The following XKR6 variants were observed in gnomAD, a reference collection of about 807,000 sequenced individuals.
XKR6 encodes XK related 6.
In XKR6, 22 loss-of-function variants were observed where a neutral mutation model predicts 56.7. The ratio of observed to expected loss-of-function variants is 0.39; its 90% CI spans 0.28 to 0.55. The LOEUF (loss-of-function observed/expected upper bound fraction) is 0.55, where lower values mean the gene tolerates loss of function less well. Ranked by LOEUF, XKR6 falls within the 20% of genes least tolerant of loss-of-function variation. The probability of loss-of-function intolerance (pLI) is 0.66; values close to 1 mark genes in which losing one functional copy is unlikely to be tolerated. For missense variants in XKR6, 852 were observed against 889.0 expected (o/e 0.96, Z 0.53); for synonymous variants, 524 against 387.8 (o/e 1.35, Z -4.13).
At position 11,058,615 on chromosome 8, in the gene XKR6, C is replaced by T. The variant is rs373580877; in HGVS notation, c.765-133785G>A. Among the ~76,000 whole-genome samples the T allele has an allele frequency of 2.5e-4, 38 of 152,298 alleles. 1 individual carries two copies. In the East Asian group the frequency reaches 7.3e-3, roughly 29 times the overall value. On this transcript the variant is annotated intron_variant, in intron 1 of 2. Transcript: ENST00000416569. ...GAAAACCAAACACCACATGTTCTCA[C>T]TCATAAGTGGGAGCTGAACAATGAG...
intron 1 of XKR6, among the ~76,000 whole-genome samples, chr8:11,014,612 G>A (rs986682830): frequency 7.9e-5 from 12 of 152,306 alleles, no homozygotes; most frequent in African/African-American, 2.9e-4. Context: ...TTCCCTGGGG[G>A]AAAGGAAAGG....
At chr8:11,197,880 C>T (rs1374455360) in intron 1 of XKR6, among the ~76,000 whole-genome samples, 1 of 152,084 alleles carries the variant, frequency 6.6e-6, no homozygotes, top group African/African-American at 2.4e-5. Flanking sequence ...TGTGCTCTGT[C>T]CAAGCTATAA....
At chr8:11,095,824 G>C (rs908247654) in intron 1 of XKR6, among the ~76,000 whole-genome samples, 3 of 152,186 alleles carry the variant, frequency 2.0e-5, no homozygotes, top group Non-Finnish European at 4.4e-5. Flanking sequence ...ATCTGGTTAA[G>C]ACTAGACCAC....
At chr8:11,002,051 G>T (rs1419279182) in intron 1 of XKR6, among the ~76,000 whole-genome samples, 1 of 145,428 alleles carries the variant, frequency 6.9e-6, no homozygotes, top group Non-Finnish European at 1.5e-5. Flanking sequence ...AATCCATGTC[G>T]TTACCATGTG....
At chr8:10,980,851 C>T (rs1797717937) in intron 1 of XKR6, among the ~76,000 whole-genome samples, 1 of 152,130 alleles carries the variant, frequency 6.6e-6, no homozygotes, top group Middle Eastern at 3.2e-3. Flanking sequence ...TGATCTCTGT[C>T]TGTCTGTCTA....
In XKR6 at chr8:11,013,577, A is replaced by G. The variant is rs546415508; in HGVS notation, c.765-88747T>C. 1.7e-4 allele frequency among the ~76,000 whole-genome samples: 26 copies of G among 152,324 alleles called. 1 individual carries two copies. The highest frequency in any genetic ancestry group is 3.6e-4 in the African/African-American group (15 of 41,580). Reference sequence around the variant, plus strand: ...CCACAAATTCATTGAGACACATAATATAATACGCCCCCTTTTTAAAAATTG... The same window carrying G: ...CCACAAATTCATTGAGACACATAATGTAATACGCCCCCTTTTTAAAAATTG... On this transcript the variant is annotated intron_variant, in intron 1 of 2. Coordinates refer to ENST00000416569, the MANE Select transcript of XKR6 (RefSeq NM_173683.4).
intron 1 of XKR6, among the ~76,000 whole-genome samples, chr8:11,055,985 C>A (rs987980341): frequency 1.3e-5 from 2 of 152,314 alleles, no homozygotes; most frequent in Middle Eastern, 3.4e-3. Context: ...GGCCCCCTCC[C>A]CCTGCTTCCG....
At chr8:10,901,122 C>A (rs1261762709) in intron 2 of XKR6, among the ~76,000 whole-genome samples, 1 of 147,412 alleles carries the variant, frequency 6.8e-6, no homozygotes, top group African/African-American at 2.5e-5. Context: ...GTGGCATGAT[C>A]TCCACTCATT....
chr8:10,903,289 A>T (rs1800094494), intron 2 of XKR6, among the ~76,000 whole-genome samples: 1 of 152,136 alleles, frequency 6.6e-6, no homozygotes, highest in Non-Finnish European at 1.5e-5. Flanking sequence ...ATTCTTCCTC[A>T]GAGGGCCATC....
intron 1 of XKR6, among the ~76,000 whole-genome samples, chr8:11,151,677 T>A (rs1586621052): frequency 6.6e-6 from 1 of 151,952 alleles, no homozygotes; most frequent in Non-Finnish European, 1.5e-5. Flanking sequence ...CACGATCCAT[T>A]TGTCAGTCTT....
intron 2 of XKR6, among the ~76,000 whole-genome samples, chr8:10,912,466 T>A (rs12677752): frequency 1.0e-5 from 1 of 98,288 alleles, no homozygotes; most frequent in African/African-American, 4.0e-5. Context: ...TATATATATA[T>A]AGAGAGAGAG....
intron 1 of XKR6, among the ~76,000 whole-genome samples, chr8:11,090,833 T>C (rs562186559): frequency 2.6e-4 from 40 of 152,346 alleles, no homozygotes; most frequent in African/African-American, 9.1e-4. Context: ...CTGGGGCTTA[T>C]CTTTTAAGAT....
intron 1 of XKR6, among the ~76,000 whole-genome samples, chr8:10,945,878 C>T (rs1027935559): frequency 3.3e-5 from 5 of 152,120 alleles, no homozygotes; most frequent in African/African-American, 1.2e-4. Flanking sequence ...CAGCTCTGCT[C>T]CTCCCTTCCC....
rs1358592158 is a variant in XKR6 at position 11,194,721 on chromosome 8, GCA to G, written c.764+5853_764+5854del. ...CATTACAGAATCTATCCACTGCACTGCATAAGCCTGACTAGGCAATTGACCTT... is the reference window on the plus strand; with the variant it reads ...CATTACAGAATCTATCCACTGCACTGTAAGCCTGACTAGGCAATTGACCTT... On this transcript the variant is annotated intron_variant, in intron 1 of 2. Coordinates refer to ENST00000416569, the MANE Select transcript of XKR6 (RefSeq NM_173683.4). 130 of 140,380 alleles carry G rather than the reference GCA, an allele frequency of 9.3e-4. 1 individual carries two copies. In the East Asian group the frequency reaches 0.02, roughly 21 times the overall value. The allele number at this position is 140,380 out of a possible 1,614,324, so 8.7% of individuals were successfully genotyped here. A position where few individuals can be genotyped will look rare whatever the true frequency, so the allele number is the denominator to read the frequency against.
At chr8:11,002,132 C>T (rs550356915) in intron 1 of XKR6, among the ~76,000 whole-genome samples, 12 of 152,120 alleles carry the variant, frequency 7.9e-5, no homozygotes, top group South Asian at 4.2e-4. Flanking sequence ...CAAATGCTTC[C>T]GCCTCTGTGC....
At chr8:10,918,983 G>A (rs1255357532) in intron 2 of XKR6, among the ~76,000 whole-genome samples, 1 of 152,164 alleles carries the variant, frequency 6.6e-6, no homozygotes, top group Non-Finnish European at 1.5e-5. Flanking sequence ...CTGTGTGAAA[G>A]AAAAGGGACC....
At chr8:11,056,436 G>A (rs771795213) in intron 1 of XKR6, among the ~76,000 whole-genome samples, 3 of 152,186 alleles carry the variant, frequency 2.0e-5, no homozygotes. Context: ...AACATCCCCT[G>A]TGTTCACCCG....
chr8:10,927,675 C>T (rs556780705), intron 1 of XKR6, among the ~76,000 whole-genome samples: 46 of 152,194 alleles, frequency 3.0e-4, no homozygotes, highest in Admixed American at 1.5e-3. Context: ...CCACCAAGGC[C>T]GGGGCAAAGG....
chr8:11,095,745 A>G lies in XKR6; in HGVS notation c.764+104831T>C, dbSNP rs79041753. ...CTTTTTCAAAAACATTTTCTGATTC[A>G]GTGGATCTGGGATATGACCCAGGCA... On this transcript the variant is annotated intron_variant, in intron 1 of 2. Transcript: ENST00000416569. Among the ~76,000 whole-genome samples the G allele has an allele frequency of 5.6e-3, 855 of 152,342 alleles. 7 individuals are homozygous for G. Among genetic ancestry groups the G allele is most frequent in the African/African-American group, 0.02 (812 of 41,568 alleles).
Sources: gnomAD v4.1 joint callset for allele counts (sites outside exome capture counted in the v4.1 genomes callset) on GRCh38, gnomAD v4.1.1 for gene constraint, MANE v1.5 for transcripts, NCBI Gene and HGNC (gene_info 2026-07-23, HGNC 2026-07-21) for gene names.